FBXL19: variants seen among roughly 807,000 people sequenced by gnomAD.
FBXL19 encodes F-box/LRR-repeat protein 19.
In FBXL19, 16 loss-of-function variants were observed where a neutral mutation model predicts 71.2. The observed-to-expected ratio is 0.22, with a 90% CI of 0.15 to 0.34. The LOEUF (loss-of-function observed/expected upper bound fraction) is 0.34, where lower values mean the gene tolerates loss of function less well. Ranked by LOEUF, FBXL19 falls within the 10% of genes least tolerant of loss-of-function variation. FBXL19 has a pLI of 1.00. For missense variants in FBXL19, 658 were observed against 968.2 expected (o/e 0.68, Z 4.25); for synonymous variants, 447 against 409.4 (o/e 1.09, Z -1.11).
rs527870978 is a variant in FBXL19 at position 30,925,235 on chromosome 16, C to T, written c.-24-496C>T. 5.6e-5 allele frequency among the ~76,000 whole-genome samples: 8 copies of T among 143,504 alleles called. No individual in the cohort carries two copies. Among genetic ancestry groups the T allele is most frequent in the Non-Finnish European group, 9.1e-5 (6 of 65,614 alleles). 94.1% of individuals were successfully genotyped at this position (143,504 alleles called of 152,430 possible). A position where few individuals can be genotyped will look rare whatever the true frequency, so the allele number is the denominator to read the frequency against. Reference sequence around the variant, plus strand: ...GCTGTGGATGAAAAGGTTGGTGGGGCGGGGGGGAGGAAAAGTCCGGAGCTT... The same window carrying T: ...GCTGTGGATGAAAAGGTTGGTGGGGTGGGGGGGAGGAAAAGTCCGGAGCTT... On this transcript the variant is annotated intron_variant, in intron 1 of 10. Transcript: ENST00000338343. This position sits in a 1 kb window ranked among gnomAD's most constrained non-coding sequence, Gnocchi z 5.0.
At chr16:30,929,951 G>T in intron 6 of FBXL19, 122 bp from the exon 7 acceptor site, 1 of 1,343,934 alleles carries the variant, frequency 7.4e-7, no homozygotes. Flanking sequence ...GTCCGGAGCA[G>T]AGCCAGGGCT....
Position 30,942,493 on chromosome 16 carries a change from C to T in FBXL19, c.1584C>T (p.Ser528=), listed in dbSNP as rs371762780. Residue 528 remains serine, a synonymous_variant, in exon 9 of 11, where the codon TCC becomes TCT. Coordinates refer to ENST00000338343, the MANE Select transcript of FBXL19 (RefSeq NM_001382779.1). The surrounding 1 kb of genome is among the most constrained non-coding windows in gnomAD (Gnocchi z 5.7). ...DLRWIEDVKD[S]QLRELLLPPP... Reference sequence around the variant, plus strand: ...GCTGGATCGAGGATGTTAAAGACTCCCAGCTCCGGGAGTTGCTGCTGCCTC... The same window carrying T: ...GCTGGATCGAGGATGTTAAAGACTCTCAGCTCCGGGAGTTGCTGCTGCCTC... 3 of 1,596,864 alleles carry T rather than the reference C, an allele frequency of 1.9e-6. No individual in the cohort carries two copies. Among genetic ancestry groups the T allele is most frequent in the Non-Finnish European group, 2.6e-6 (3 of 1,172,152 alleles).
rs199802404 is a variant in FBXL19 at position 30,930,135 on chromosome 16, G to A, written c.852G>A (p.Arg284=). Reference sequence around the variant, plus strand: ...CGGTGCCGTCCCCGTCCCCGCAGAGGGAGAAGCTAGAGCGTTTCAAGCGGA... The same window carrying A: ...CGGTGCCGTCCCCGTCCCCGCAGAGAGAGAAGCTAGAGCGTTTCAAGCGGA... The part of the protein sequence containing the change: ...GPAVPSPSPQ[R]EKLERFKRMC... The change falls in exon 7 of 11, where the codon AGG becomes AGA. Residue 284 remains arginine (R), a synonymous_variant. Transcript: ENST00000338343. The surrounding 1 kb of genome is among the most constrained non-coding windows in gnomAD (Gnocchi z 8.5). 1.9e-6 allele frequency: 3 copies of A among 1,613,580 alleles called. No individual in the cohort carries two copies. Among genetic ancestry groups the A allele is most frequent in the Admixed American group, 1.7e-5 (1 of 60,036 alleles).
intron 7 of FBXL19, among the ~76,000 whole-genome samples, chr16:30,932,281 TCTGTGCCCTTGAAG>T (rs2055683606): frequency 6.6e-6 from 1 of 152,192 alleles, no homozygotes. Flanking sequence ...AGAATGTAGA[TCTGTGCCCTTGAAG>T]AGCATATAGT....
intron 9 of FBXL19, among the ~76,000 whole-genome samples, chr16:30,943,758 C>T (rs2055827906): frequency 6.6e-6 from 1 of 152,292 alleles, no homozygotes; most frequent in South Asian, 2.1e-4. Context: ...CCACCTCTGC[C>T]TTCCAAAGTG....
At chr16:30,941,993 C>G (rs1457587541) in intron 7 of FBXL19, 123 bp from the exon 8 acceptor site, 2 of 1,129,200 alleles carry the variant, frequency 1.8e-6, no homozygotes, top group African/African-American at 1.6e-5. Flanking sequence ...GTGCTTCTTG[C>G]TACCCTGTTG....
intron 9 of FBXL19, among the ~76,000 whole-genome samples, chr16:30,943,369 T>C (rs2055823017): frequency 1.8e-5 from 1 of 54,252 alleles, no homozygotes; most frequent in Non-Finnish European, 4.7e-5. Context: ...TTTTTGTAAT[T>C]TTTTTTTTTT....
chr16:30,930,365 T>C lies in FBXL19; in HGVS notation c.1082T>C (p.Leu361Pro). 6.4e-7 allele frequency: 1 copy of C among 1,563,564 alleles called. No homozygotes were observed. Reference sequence around the variant, plus strand: ...GTGCGCCCTGGCAGTGGGGGGCCCCTACTCAGCTGGCCCCTGGGCCCAGCC... The same window carrying C: ...GTGCGCCCTGGCAGTGGGGGGCCCCCACTCAGCTGGCCCCTGGGCCCAGCC... The part of the protein sequence containing the change: ...RAVRPGSGGP[L>P]LSWPLGPAPP... Residue 361 changes from leucine (L) to proline (P), a missense_variant, in exon 7 of 11, where the codon CTA becomes CCA. Leu to Pro is a moderately conservative substitution (Grantham distance 98). Coordinates refer to ENST00000338343, the MANE Select transcript of FBXL19 (RefSeq NM_001382779.1). This position sits in a 1 kb window ranked among gnomAD's most constrained non-coding sequence, Gnocchi z 8.5.
intron 7 of FBXL19, among the ~76,000 whole-genome samples, chr16:30,939,763 T>C (rs1054433318): frequency 2.0e-5 from 3 of 151,760 alleles, no homozygotes; most frequent in African/African-American, 7.3e-5. Flanking sequence ...CAAAGATAAA[T>C]CATGTTACGC....
intron 7 of FBXL19, among the ~76,000 whole-genome samples, chr16:30,940,585 C>T (rs539871318): frequency 6.6e-6 from 1 of 152,184 alleles, no homozygotes; most frequent in East Asian, 1.9e-4. Context: ...ACTAGATTAC[C>T]TTGGGAGAGG....
At chr16:30,931,993 A>C (rs1260576194) in intron 7 of FBXL19, among the ~76,000 whole-genome samples, 1 of 150,534 alleles carries the variant, frequency 6.6e-6, no homozygotes, top group East Asian at 1.9e-4. Context: ...CGCCCGCCTC[A>C]GCCTCCCAAA....
chr16:30,923,037 G>T (rs1385946075), upstream of FBXL19: 2 of 456,756 alleles, frequency 4.4e-6, no homozygotes, highest in African/African-American at 4.0e-5. Flanking sequence ...CTAGTCAGGT[G>T]TATGTCCCTC....
At chr16:30,943,368 T>C (rs1422353002) in intron 9 of FBXL19, among the ~76,000 whole-genome samples, 1 of 49,492 alleles carries the variant, frequency 2.0e-5, no homozygotes, top group Non-Finnish European at 5.0e-5. Context: ...TTTTTTGTAA[T>C]TTTTTTTTTT....
rs1472648015 is a variant in FBXL19 at position 30,925,157 on chromosome 16, T to C, written c.-24-574T>C. On this transcript the variant is annotated intron_variant, in intron 1 of 10. Coordinates refer to ENST00000338343, the MANE Select transcript of FBXL19 (RefSeq NM_001382779.1). The surrounding 1 kb of genome is among the most constrained non-coding windows in gnomAD (Gnocchi z 5.0). Reference sequence around the variant, plus strand: ...CGTTAGGGACTTGGGGGCAAGGATCTCGCTGGATCTGGTGAGGATAACTGG... The same window carrying C: ...CGTTAGGGACTTGGGGGCAAGGATCCCGCTGGATCTGGTGAGGATAACTGG... 6.6e-6 allele frequency among the ~76,000 whole-genome samples: 1 copy of C among 151,828 alleles called. No homozygotes were observed. Among genetic ancestry groups the C allele is most frequent in the Non-Finnish European group, 1.5e-5 (1 of 67,956 alleles).
rs773960782 is a variant in FBXL19 at position 30,928,577 on chromosome 16, G to A, written c.738G>A (p.Pro246=). ...TGCTGCCCCCCAGGGTTCTGAATCCGAGCCAGGCTTTCTCATCCTGCCACC... is the reference window on the plus strand; with the variant it reads ...TGCTGCCCCCCAGGGTTCTGAATCCAAGCCAGGCTTTCTCATCCTGCCACC... ...PGLLPPRVLN[P]SQAFSSCHPG... Residue 246 remains proline (P), a synonymous_variant, in exon 6 of 11, where the codon CCG becomes CCA. Transcript: ENST00000338343. 28 of 1,605,356 alleles carry A rather than the reference G, an allele frequency of 1.7e-5. No individual in the cohort carries two copies. The highest frequency in any genetic ancestry group is 1.2e-4 in the Admixed American group (7 of 59,144).
At chr16:30,935,435 C>T (rs183022288) in intron 7 of FBXL19, among the ~76,000 whole-genome samples, 2 of 152,176 alleles carry the variant, frequency 1.3e-5, no homozygotes, top group African/African-American at 4.8e-5. Context: ...GAAGTGATCC[C>T]TTAAGAGTGA....
chr16:30,931,256 C>T (rs1039456840), intron 7 of FBXL19, among the ~76,000 whole-genome samples: 1 of 152,132 alleles, frequency 6.6e-6, no homozygotes, highest in African/African-American at 2.4e-5. Context: ...CTCTATGAAA[C>T]TCCCACAGCA....
upstream of FBXL19, chr16:30,923,417 A>G: frequency 5.6e-6 from 2 of 357,342 alleles, no homozygotes; most frequent in South Asian, 4.1e-5. Flanking sequence ...GCAGGACTAC[A>G]ACTCCCGTCG....
chr16:30,944,072 G>A (rs2055830865), intron 9 of FBXL19, among the ~76,000 whole-genome samples: 1 of 151,910 alleles, frequency 6.6e-6, no homozygotes, highest in Admixed American at 6.6e-5. Flanking sequence ...ATTGGGAATG[G>A]TGCATCCTGG....
Sources: gnomAD v4.1 joint callset for allele counts (sites outside exome capture counted in the v4.1 genomes callset) on GRCh38, gnomAD v4.1.1 for gene constraint, Gnocchi (gnomAD v3.1) non-coding constraint, MANE v1.5 for transcripts, NCBI Gene and HGNC (gene_info 2026-07-23, HGNC 2026-07-21) for gene names.